UBE4B: variants seen among roughly 807,000 people sequenced by gnomAD.
UBE4B encodes the protein ubiquitin conjugation factor E4 B.
UBE4B carries 27 observed loss-of-function variants against 148.1 expected under a neutral mutation model. The ratio of observed to expected loss-of-function variants is 0.18; its 90% CI spans 0.13 to 0.25. The LOEUF (loss-of-function observed/expected upper bound fraction) is 0.25. UBE4B is among the 10% of genes least tolerant of loss of function. The probability of loss-of-function intolerance (pLI) is 1.00; values close to 1 mark genes in which losing one functional copy is unlikely to be tolerated. For synonymous variants in UBE4B, 596 were observed against 619.3 expected, an observed-to-expected ratio of 0.96 and a Z score of 0.56; for missense variants, 1,170 against 1,662.4, an observed-to-expected ratio of 0.70 and a Z score of 5.15.
chr1:10,034,605 T>G (rs895410547), intron 1 of UBE4B, among the ~76,000 whole-genome samples: 7 of 152,204 alleles, frequency 4.6e-5, no homozygotes, highest in Non-Finnish European at 7.3e-5. Context: ...GGCCATACCC[T>G]CTTTAGCCTA....
intron 22 of UBE4B, among the ~76,000 whole-genome samples, chr1:10,160,454 G>A (rs936170115): frequency 1.3e-5 from 2 of 152,148 alleles, no homozygotes; most frequent in African/African-American, 4.8e-5. Flanking sequence ...GTGCTGGTAA[G>A]CCTGCTCTGG....
chr1:10,150,979 G>A (rs570348014), intron 20 of UBE4B, among the ~76,000 whole-genome samples: 1 of 150,646 alleles, frequency 6.6e-6, no homozygotes, highest in African/African-American at 2.4e-5. Context: ...GGCTAACATG[G>A]TGAAACCCCA....
At chr1:10,074,936 T>C (rs751926412) in intron 2 of UBE4B, among the ~76,000 whole-genome samples, 3 of 152,166 alleles carry the variant, frequency 2.0e-5, no homozygotes, top group Non-Finnish European at 2.9e-5. Flanking sequence ...TCCAGCGCTT[T>C]ACCTGACATC....
rs914451747 is a variant in UBE4B at position 10,130,460 on chromosome 1, C to T, written c.1696-40C>T. ...TTCATTACATTTTTACCCCACCGGC[C>T]TGTTCAGCGGCTTGACTGGCTCTTC... is the stretch of plus-strand genomic sequence containing the variant. On this transcript the variant is annotated intron_variant, in intron 12 of 27. Coordinates refer to ENST00000343090, the MANE Select transcript of UBE4B (RefSeq NM_001105562.3). 25 of 1,536,962 alleles carry T rather than the reference C, an allele frequency of 1.6e-5. No homozygotes were observed. In the African/African-American group the frequency reaches 3.0e-4, roughly 18 times the overall value.
intron 17 of UBE4B, among the ~76,000 whole-genome samples, chr1:10,141,433 C>T (rs989217701): frequency 3.3e-5 from 5 of 152,016 alleles, no homozygotes; most frequent in African/African-American, 4.8e-5. Context: ...CTGGAAAAGG[C>T]GAGGAAACTT....
At chr1:10,048,040 G>A (rs974056185) in intron 1 of UBE4B, among the ~76,000 whole-genome samples, 8 of 151,960 alleles carry the variant, frequency 5.3e-5, no homozygotes, top group African/African-American at 7.3e-5. Context: ...TAGAGACGAG[G>A]GTCTCCCTGT....
Position 10,168,933 on chromosome 1 carries a change from G to A in UBE4B, c.3333+663G>A, listed in dbSNP as rs746859973. On this transcript the variant is annotated intron_variant, in intron 24 of 27. Coordinates refer to ENST00000343090, the MANE Select transcript of UBE4B (RefSeq NM_001105562.3). This position sits in a 1 kb window ranked among gnomAD's most constrained non-coding sequence, Gnocchi z 4.9. ...GAAGAAGAAAAAGCATAAGGTAACA[G>A]CTGTTGACAATGGAAGGATATTAAG... 2.0e-5 allele frequency among the ~76,000 whole-genome samples: 3 copies of A among 151,790 alleles called. No individual in the cohort carries two copies. Among genetic ancestry groups the A allele is most frequent in the Non-Finnish European group, 4.4e-5 (3 of 67,952 alleles).
chr1:10,172,439 C>T (rs1646352493), intron 25 of UBE4B, among the ~76,000 whole-genome samples: 2 of 152,172 alleles, frequency 1.3e-5, no homozygotes, highest in Admixed American at 6.5e-5. Context: ...ATAGCTTGCT[C>T]GAGGTCACAG....
intron 12 of UBE4B, 58 bp downstream of exon 12, chr1:10,129,506 G>C: frequency 6.5e-7 from 1 of 1,545,658 alleles, no homozygotes; most frequent in Non-Finnish European, 8.9e-7. Flanking sequence ...AACCCAGAAG[G>C]CATTCCTCTA....
At chr1:10,092,668 A>G (rs894578459) in intron 2 of UBE4B, among the ~76,000 whole-genome samples, 3 of 152,118 alleles carry the variant, frequency 2.0e-5, no homozygotes, top group African/African-American at 7.2e-5. Flanking sequence ...TCTCTACTAA[A>G]AGTACAAAAA....
Position 10,166,941 on chromosome 1 carries a change from TCACACACACACA to T in UBE4B, c.3199-1176_3199-1165del, listed in dbSNP as rs559608777. ...CCCTGTCTCAAAAAAAATAAATAAATCACACACACACACACACACACACACACACAAAAAAAA... is the reference window on the plus strand; with the variant it reads ...CCCTGTCTCAAAAAAAATAAATAAATCACACACACACACACACAAAAAAAA... On this transcript the variant is annotated intron_variant, in intron 23 of 27. Coordinates refer to ENST00000343090, the MANE Select transcript of UBE4B (RefSeq NM_001105562.3). Among the ~76,000 whole-genome samples, 177 of 131,388 alleles carry T rather than the reference TCACACACACACA, an allele frequency of 1.3e-3. 3 individuals are homozygous for T. The East Asian group carries it at 0.023, about 17-fold the overall frequency. 86.2% of individuals were successfully genotyped at this position (131,388 alleles called of 152,430 possible).
rs1192681811 is a variant in UBE4B at position 10,130,032 on chromosome 1, A to G, written c.1696-468A>G. 1.7e-4 allele frequency among the ~76,000 whole-genome samples: 26 copies of G among 151,968 alleles called. 1 individual carries two copies. The highest frequency in any genetic ancestry group is 1.6e-3 in the Admixed American group (25 of 15,266). On this transcript the variant is annotated intron_variant, in intron 12 of 27. Coordinates refer to ENST00000343090, the MANE Select transcript of UBE4B (RefSeq NM_001105562.3). ...AGTTATTCGAGTCCTTTGGTGGTAT[A>G]AGAAGAGTTCATTTGAACTTCATCC...
intron 23 of UBE4B, among the ~76,000 whole-genome samples, chr1:10,166,575 G>A (rs1359766995): frequency 1.3e-5 from 2 of 152,028 alleles, no homozygotes; most frequent in Non-Finnish European, 2.9e-5. Flanking sequence ...ATCAGTTGAG[G>A]TCAGGAGTTT....
chr1:10,116,408 G>A (rs1316644742), intron 7 of UBE4B, among the ~76,000 whole-genome samples: 1 of 152,144 alleles, frequency 6.6e-6, no homozygotes, highest in Non-Finnish European at 1.5e-5. Context: ...GTACGAAAGT[G>A]CTGGGATTAC....
At chr1:10,138,154 A>G (rs955505178) in intron 17 of UBE4B, among the ~76,000 whole-genome samples, 4 of 150,156 alleles carry the variant, frequency 2.7e-5, no homozygotes, top group South Asian at 2.1e-4. Flanking sequence ...CTGGAGTCCA[A>G]TGGCATGATC....
At chr1:10,117,932 T>C (rs566345143) in intron 8 of UBE4B, among the ~76,000 whole-genome samples, 1 of 152,338 alleles carries the variant, frequency 6.6e-6, no homozygotes, top group South Asian at 2.1e-4. Context: ...TAACCAACAT[T>C]ATAGAGCCTC....
intron 19 of UBE4B, among the ~76,000 whole-genome samples, chr1:10,147,915 C>T (rs944380654): frequency 2.6e-5 from 4 of 152,140 alleles, no homozygotes; most frequent in Admixed American, 2.0e-4. Flanking sequence ...CCCGTGAAGG[C>T]GTGGAAAATA....
chr1:10,124,265 G>A (rs57314761), intron 10 of UBE4B, among the ~76,000 whole-genome samples: 4,248 of 152,124 alleles, frequency 0.028, 188 homozygotes, highest in African/African-American at 0.098. Flanking sequence ...GGGTTCGAGC[G>A]ATTCTCCTGC....
chr1:10,175,374 G>A (rs916230490), intron 25 of UBE4B, among the ~76,000 whole-genome samples: 5 of 152,204 alleles, frequency 3.3e-5, no homozygotes, highest in East Asian at 1.9e-4. Context: ...AAAAATAGCC[G>A]GGTGCAGTGG....
Sources: allele counts gnomAD v4.1 joint callset (sites outside exome capture counted in the v4.1 genomes callset), GRCh38; gene constraint gnomAD v4.1.1; non-coding constraint Gnocchi (gnomAD v3.1); transcripts MANE v1.5; gene names NCBI Gene and HGNC (gene_info 2026-07-23, HGNC 2026-07-21).